Variants in RSBN1L observed in about 807,000 individuals in gnomAD.
RSBN1L encodes the protein lysine-specific demethylase RSBN1L.
RSBN1L carries 30 observed loss-of-function variants against 67.7 expected under a neutral mutation model. The observed-to-expected ratio is 0.44, with a 90% CI of 0.33 to 0.60. The LOEUF (loss-of-function observed/expected upper bound fraction) is 0.60. Among genes scored for constraint, RSBN1L ranks in the 20% least tolerant of loss-of-function variants. The pLI, the probability that RSBN1L is intolerant of heterozygous loss-of-function variation, is 0.02. For missense variants in RSBN1L, 992 were observed against 1,031.7 expected, an observed-to-expected ratio of 0.96 and a Z score of 0.53; for synonymous variants, 433 against 387.0, an observed-to-expected ratio of 1.12 and a Z score of -1.39.
chr7:77,699,568 T>C (rs1280895408), intron 1 of RSBN1L, among the ~76,000 whole-genome samples: 2 of 152,292 alleles, frequency 1.3e-5, no homozygotes, highest in Non-Finnish European at 2.9e-5. Flanking sequence ...AATTGAAAGA[T>C]GGGTGAATGC....
At chr7:77,740,323 G>T (rs919524574) in intron 2 of RSBN1L, among the ~76,000 whole-genome samples, 7 of 144,976 alleles carry the variant, frequency 4.8e-5, no homozygotes, top group Non-Finnish European at 1.1e-4. Flanking sequence ...GTGAGAACAT[G>T]TGTTATGATT....
chr7:77,722,823 G>A (rs529679645), intron 1 of RSBN1L, among the ~76,000 whole-genome samples: 2 of 151,944 alleles, frequency 1.3e-5, no homozygotes, highest in African/African-American at 4.8e-5. Context: ...CATGGACTGC[G>A]TTATTATGGT....
At chr7:77,778,036 A>G (rs937113313) in intron 6 of RSBN1L, among the ~76,000 whole-genome samples, 1 of 152,190 alleles carries the variant, frequency 6.6e-6, no homozygotes, top group Non-Finnish European at 1.5e-5. Flanking sequence ...TATTCTTCAA[A>G]TAGAACACTT....
At position 77,749,701 on chromosome 7, in the gene RSBN1L, A is replaced by T. The variant is rs770677633; in HGVS notation, c.981A>T (p.Ser327=). The T allele has an allele frequency of 6.2e-7, 1 of 1,613,782 alleles. No homozygotes were observed. The highest frequency in any genetic ancestry group is 8.5e-7 in the Non-Finnish European group (1 of 1,179,654). Reference sequence around the variant, plus strand: ...AGAACAGTGAGTTTCCATTTGTCTCATTAAAGGAGCCACGAGTTCAGAATA... The same window carrying T: ...AGAACAGTGAGTTTCCATTTGTCTCTTTAAAGGAGCCACGAGTTCAGAATA... ...IPENSEFPFV[S]LKEPRVQNNL... Residue 327 remains serine (S), a synonymous_variant, in exon 3 of 8, where the codon TCA becomes TCT. Transcript: ENST00000334955.
At chr7:77,772,444 G>A (rs1454233520) in intron 5 of RSBN1L, among the ~76,000 whole-genome samples, 1 of 152,216 alleles carries the variant, frequency 6.6e-6, no homozygotes, top group Non-Finnish European at 1.5e-5. Context: ...AGAGGTTTCT[G>A]CAATGAGTGA....
intron 2 of RSBN1L, among the ~76,000 whole-genome samples, chr7:77,738,810 G>A (rs773733102): frequency 1.3e-5 from 2 of 151,626 alleles, no homozygotes. Flanking sequence ...ATTACGGTGG[G>A]TGCCTGTAAT....
At chr7:77,705,869 A>G (rs1309017893) in intron 1 of RSBN1L, among the ~76,000 whole-genome samples, 2 of 151,726 alleles carry the variant, frequency 1.3e-5, no homozygotes, top group Non-Finnish European at 2.9e-5. Context: ...TGAATATCCA[A>G]TTCCCTAATT....
At chr7:77,740,004 G>T (rs573276848) in intron 2 of RSBN1L, among the ~76,000 whole-genome samples, 1 of 151,432 alleles carries the variant, frequency 6.6e-6, no homozygotes, top group South Asian at 2.1e-4. Context: ...TGCCTGACCC[G>T]GCCTCCCAAA....
At chr7:77,765,463 T>A (rs756588972) in intron 3 of RSBN1L, 32 bp from the exon 4 acceptor site, 1 of 1,490,098 alleles carries the variant, frequency 6.7e-7, no homozygotes, top group Non-Finnish European at 9.0e-7. Flanking sequence ...AAAGAACGTA[T>A]TTAACTTTTA....
intron 1 of RSBN1L, among the ~76,000 whole-genome samples, chr7:77,703,193 A>G (rs1790841301): frequency 6.6e-6 from 1 of 152,006 alleles, no homozygotes; most frequent in South Asian, 2.1e-4. Context: ...TCTTGGAGCC[A>G]CTCTGATTCA....
chr7:77,769,679 AGTT>A (rs1236681533), intron 5 of RSBN1L, among the ~76,000 whole-genome samples: 1 of 152,250 alleles, frequency 6.6e-6, no homozygotes, highest in Non-Finnish European at 1.5e-5. Context: ...GACACACCAA[AGTT>A]AATGTACAAA....
chr7:77,739,739 C>CTT (rs1173154183), intron 2 of RSBN1L, among the ~76,000 whole-genome samples: 1,170 of 42,676 alleles, frequency 0.027, 275 homozygotes, highest in East Asian at 0.13. Flanking sequence ...AAAAATGTGT[C>CTT]TTTTTTTTTT....
At chr7:77,724,734 C>T (rs1158247542) in intron 1 of RSBN1L, among the ~76,000 whole-genome samples, 1 of 151,922 alleles carries the variant, frequency 6.6e-6, no homozygotes, top group East Asian at 1.9e-4. Context: ...CCATGAATCC[C>T]TTTCTATTGT....
At chr7:77,724,691 G>T (rs1791171658) in intron 1 of RSBN1L, among the ~76,000 whole-genome samples, 1 of 151,946 alleles carries the variant, frequency 6.6e-6, no homozygotes, top group Admixed American at 6.6e-5. Context: ...CTCACAAAGT[G>T]CTGGGATTAC....
intron 1 of RSBN1L, among the ~76,000 whole-genome samples, chr7:77,719,320 A>G (rs1468490473): frequency 6.6e-6 from 1 of 152,250 alleles, no homozygotes; most frequent in African/African-American, 2.4e-5. Flanking sequence ...AACTAAGAGT[A>G]TATAACAAGT....
chr7:77,713,943 A>T (rs1791010673), intron 1 of RSBN1L, among the ~76,000 whole-genome samples: 3 of 152,252 alleles, frequency 2.0e-5, no homozygotes, highest in South Asian at 4.1e-4. Context: ...ACACAAAATT[A>T]GGAATCCAAA....
rs1791956880 is a variant in RSBN1L, at chr7:77,778,963, A to G, written c.2336A>G (p.Asn779Ser). 1.2e-6 allele frequency: 2 copies of G among 1,613,990 alleles called. No individual in the cohort carries two copies. Among genetic ancestry groups the G allele is most frequent in the Non-Finnish European group, 1.7e-6 (2 of 1,179,894 alleles). Residue 779 changes from asparagine (N) to serine (S), a missense_variant, in exon 8 of 8, where the codon AAT (asparagine) becomes AGT (serine). Coordinates refer to ENST00000334955, the MANE Select transcript of RSBN1L (RefSeq NM_198467.3). ...VNIPEKTTALNNMDGKNVKAK... is the reference protein window; with the variant it reads ...VNIPEKTTALSNMDGKNVKAK... ...ATTCCTGAAAAGACTACAGCACTGAATAATATGGATGGCAAGAATGTTAAA... is the reference window on the plus strand; with the variant it reads ...ATTCCTGAAAAGACTACAGCACTGAGTAATATGGATGGCAAGAATGTTAAA...
At chr7:77,714,165 T>A (rs1791013657) in intron 1 of RSBN1L, among the ~76,000 whole-genome samples, 2 of 152,214 alleles carry the variant, frequency 1.3e-5, no homozygotes, top group South Asian at 4.1e-4. Context: ...AGATTTGATA[T>A]CTATAGGGCA....
At chr7:77,756,997 C>A (rs1047814578) in intron 3 of RSBN1L, among the ~76,000 whole-genome samples, 2 of 152,176 alleles carry the variant, frequency 1.3e-5, no homozygotes, top group African/African-American at 4.8e-5. Context: ...GGAACCCAAA[C>A]CAAGTTCATG....
Sources: allele counts gnomAD v4.1 joint callset (sites outside exome capture counted in the v4.1 genomes callset), GRCh38; gene constraint gnomAD v4.1.1; transcripts MANE v1.5; gene names NCBI Gene and HGNC (gene_info 2026-07-23, HGNC 2026-07-21).